LRRC9: variants seen among roughly 807,000 people sequenced by gnomAD.
LRRC9 encodes leucine rich repeat containing 9.
LRRC9 carries 122 observed loss-of-function variants against 63.2 expected under a neutral mutation model. The observed-to-expected ratio is 1.93, with a 90% CI of 1.67 to 2.24. The LOEUF (loss-of-function observed/expected upper bound fraction) is 2.24. LRRC9 is among the 30% of genes most tolerant of loss of function. LRRC9 has a pLI of 0.00. For missense variants in LRRC9, 1,071 were observed against 627.7 expected, an observed-to-expected ratio of 1.71 and a Z score of -7.55; for synonymous variants, 366 against 213.1, an observed-to-expected ratio of 1.72 and a Z score of -6.25.
chr14:59,935,902 G>A (rs566001127), intron 6 of LRRC9, among the ~76,000 whole-genome samples: 1 of 152,286 alleles, frequency 6.6e-6, no homozygotes, highest in African/African-American at 2.4e-5. Context: ...CAGGGTTCTG[G>A]GAAAATAAGG....
At chr14:59,975,776 G>A (rs141881730) in intron 13 of LRRC9, among the ~76,000 whole-genome samples, 1 of 152,186 alleles carries the variant, frequency 6.6e-6, no homozygotes, top group Non-Finnish European at 1.5e-5. Flanking sequence ...TGTATAATAT[G>A]GAGAATAGAT....
At chr14:60,045,449 C>T (rs1466184458) in intron 29 of LRRC9, among the ~76,000 whole-genome samples, 1 of 152,094 alleles carries the variant, frequency 6.6e-6, no homozygotes, top group East Asian at 1.9e-4. Context: ...TGACTGGCCC[C>T]AGGGTGGGTT....
intron 21 of LRRC9, among the ~76,000 whole-genome samples, chr14:60,006,113 G>A (rs1566869475): frequency 6.6e-6 from 1 of 151,998 alleles, no homozygotes; most frequent in Non-Finnish European, 1.5e-5. Flanking sequence ...AAGGTTATTT[G>A]AAAGAGAAAT....
intron 27 of LRRC9, among the ~76,000 whole-genome samples, chr14:60,024,667 C>CT (rs887738942): frequency 2.3e-4 from 35 of 151,772 alleles, no homozygotes; most frequent in Admixed American, 3.9e-4. Context: ...AATGACAGAT[C>CT]TTTTTTTAAA....
At position 60,031,118 on chromosome 14, in the gene LRRC9, T is replaced by C. The variant is rs1891956515; in HGVS notation, c.3922-877T>C. Among the ~76,000 whole-genome samples the C allele has an allele frequency of 2.6e-5, 4 of 152,204 alleles. No homozygotes were observed. The highest frequency in any genetic ancestry group is 2.6e-4 in the Admixed American group (4 of 15,260). ...CTTTGGTTCCACAGATAGAAACTGC[T>C]TGTGGGTAAAAATGCACAATATCTC... On this transcript the variant is annotated intron_variant, in intron 28 of 31. Coordinates refer to ENST00000445360, the Ensembl canonical transcript of LRRC9. This position sits in a 1 kb window ranked among gnomAD's most constrained non-coding sequence, Gnocchi z 4.6.
In LRRC9 at chr14:59,938,734, A is replaced by G. The variant is rs1357413543; in HGVS notation, c.726+162A>G. Among the ~76,000 whole-genome samples, 1 of 151,744 alleles carries G rather than the reference A, an allele frequency of 6.6e-6. No homozygotes were observed. The highest frequency in any genetic ancestry group is 1.5e-5 in the Non-Finnish European group (1 of 67,914). Reference sequence around the variant, plus strand: ...GGATATTACACATAAAAGTATATAAATAATAATATTAATACTAGAATCTTA... The same window carrying G: ...GGATATTACACATAAAAGTATATAAGTAATAATATTAATACTAGAATCTTA... On this transcript the variant is annotated intron_variant, in intron 7 of 31. Coordinates refer to ENST00000445360, the Ensembl canonical transcript of LRRC9. The surrounding 1 kb of genome is among the most constrained non-coding windows in gnomAD (Gnocchi z 4.2).
At chr14:59,993,672 G>C (rs1888421132) in intron 17 of LRRC9, among the ~76,000 whole-genome samples, 2 of 152,140 alleles carry the variant, frequency 1.3e-5, no homozygotes, top group South Asian at 2.1e-4. Flanking sequence ...CCTAGTCTTT[G>C]ATAAAACAGA....
At chr14:60,059,956 A>G (rs1894548019) in intron 31 of LRRC9, among the ~76,000 whole-genome samples, 1 of 152,360 alleles carries the variant, frequency 6.6e-6, no homozygotes, top group African/African-American at 2.4e-5. Flanking sequence ...TAGGACCTTC[A>G]TAGCTAGAGA....
intron 17 of LRRC9, among the ~76,000 whole-genome samples, chr14:59,991,982 A>T (rs1277104649): frequency 6.6e-6 from 1 of 152,168 alleles, no homozygotes; most frequent in African/African-American, 2.4e-5. Flanking sequence ...CCCAGCACGC[A>T]GCTGGAGATC....
In LRRC9 at chr14:59,997,846, AG is replaced by A; in HGVS notation, c.2403+1del. On this transcript the variant is annotated frameshift_variant and splice_region_variant, in exon 18 of 32. Transcript: ENST00000445360. LOFTEE classifies it high-confidence loss of function. ...GATATTCAACATAATCCATGGCAAA[AG>A]GTATGCCACAGACATGTTACTAAAA... is the stretch of plus-strand genomic sequence containing the variant. The A allele has an allele frequency of 1.5e-6, 1 of 687,986 alleles. No individual in the cohort carries two copies. The highest frequency in any genetic ancestry group is 1.8e-5 in the African/African-American group (1 of 56,854). 42.6% of individuals were successfully genotyped at this position (687,986 alleles called of 1,614,324 possible).
chr14:60,047,189 T>C (rs1893506508), intron 29 of LRRC9, among the ~76,000 whole-genome samples: 1 of 152,174 alleles, frequency 6.6e-6, no homozygotes, highest in Non-Finnish European at 1.5e-5. Context: ...AGACACAGGA[T>C]CATGTCATCT....
At chr14:59,979,927 C>A (rs953985131) in intron 15 of LRRC9, among the ~76,000 whole-genome samples, 2 of 151,718 alleles carry the variant, frequency 1.3e-5, no homozygotes, top group African/African-American at 4.8e-5. Flanking sequence ...TGTAACTAAC[C>A]TGCACATTGT....
chr14:60,012,353 G>A (rs1314940084), intron 23 of LRRC9, among the ~76,000 whole-genome samples: 1 of 152,106 alleles, frequency 6.6e-6, no homozygotes, highest in Non-Finnish European at 1.5e-5. Flanking sequence ...TTTGGAGTGG[G>A]AGTAGAAACC....
At chr14:60,008,188 C>T (rs1270388517) in exon 23 of LRRC9, 1 of 701,074 alleles carries the variant, frequency 1.4e-6, no homozygotes. Flanking sequence ...TCTTCCAGAA[C>T]TGAAAGCTTT....
rs148349092 is a variant in LRRC9, at chr14:59,997,034, A to T, written c.2212-622A>T. 6.6e-4 allele frequency among the ~76,000 whole-genome samples: 100 copies of T among 152,162 alleles called. 1 individual carries two copies. The highest frequency in any genetic ancestry group is 3.8e-4 in the Non-Finnish European group (26 of 67,980). ...AAAAATGTTAAAAGGATACAAAATT[A>T]TATATGTTTTACATAAGAAAAAATA... On this transcript the variant is annotated intron_variant, in intron 17 of 31. Transcript: ENST00000445360.
chr14:60,002,427 C>A (rs576625453), intron 20 of LRRC9, among the ~76,000 whole-genome samples: 1 of 152,242 alleles, frequency 6.6e-6, no homozygotes, highest in East Asian at 1.9e-4. Flanking sequence ...CTTCCCATTG[C>A]CCCTAGCCCC....
rs1885904225 is a variant in LRRC9, at chr14:59,974,557, C to G, written c.1507-19C>G. 1.6e-6 allele frequency: 1 copy of G among 627,020 alleles called. No homozygotes were observed. The highest frequency in any genetic ancestry group is 1.8e-5 in the South Asian group (1 of 54,692). The allele number at this position is 627,020 out of a possible 1,614,324, so 38.8% of individuals were successfully genotyped here. On this transcript the variant is annotated intron_variant, in intron 12 of 31. Coordinates refer to ENST00000445360, the Ensembl canonical transcript of LRRC9. ...TGTCAATTTTATAAAAATACTCAGA[C>G]TTTGTTTTTTCTTTGCAGCTGCCTC...
chr14:60,022,240 C>A (rs1160601649), intron 26 of LRRC9, among the ~76,000 whole-genome samples: 1 of 151,428 alleles, frequency 6.6e-6, no homozygotes, highest in East Asian at 1.9e-4. Flanking sequence ...GTATTTTATT[C>A]TTTTTTATAC....
At chr14:59,977,929 TGTTA>T in intron 14 of LRRC9, 84 bp from the exon 15 acceptor site, 1 of 559,770 alleles carries the variant, frequency 1.8e-6, no homozygotes, top group Non-Finnish European at 3.2e-6. Flanking sequence ...TTATTGAGTT[TGTTA>T]ATTATTAAAC....
Sources: allele counts gnomAD v4.1 joint callset (sites outside exome capture counted in the v4.1 genomes callset), GRCh38; gene constraint gnomAD v4.1.1; non-coding constraint Gnocchi (gnomAD v3.1); transcripts MANE v1.5; gene names NCBI Gene and HGNC (gene_info 2026-07-23, HGNC 2026-07-21).